Variants in PTPRD observed in about 807,000 individuals in gnomAD.
The protein encoded by PTPRD is receptor-type tyrosine-protein phosphatase delta.
A neutral mutation model predicts 214.5 loss-of-function variants in PTPRD; 34 were observed. That is an observed-to-expected ratio of 0.16 (90% confidence interval 0.12 to 0.21). PTPRD has a LOEUF of 0.21. PTPRD is among the 10% of genes least tolerant of loss of function. The probability of loss-of-function intolerance (pLI) is 1.00; values close to 1 mark genes in which losing one functional copy is unlikely to be tolerated. For missense variants in PTPRD, 2,545 were observed against 2,398.7 expected (o/e 1.06, Z -1.27); for synonymous variants, 1,128 against 845.7 (o/e 1.33, Z -5.79).
intron 7 of PTPRD, among the ~76,000 whole-genome samples, chr9:9,633,989 A>G (rs1380063823): frequency 6.6e-6 from 1 of 152,186 alleles, no homozygotes; most frequent in Non-Finnish European, 1.5e-5. Context: ...GTGGGAGAAA[A>G]ACATGTTATC....
chr9:10,031,856 G>A (rs2097086105), intron 4 of PTPRD, among the ~76,000 whole-genome samples: 1 of 151,734 alleles, frequency 6.6e-6, no homozygotes, highest in South Asian at 2.1e-4. Flanking sequence ...ACAAGAGATG[G>A]TGAATTGGCC....
At position 9,789,968 on chromosome 9, in the gene PTPRD, ATATTT is replaced by A. The variant is rs1284449098; in HGVS notation, c.-367-23122_-367-23118del. Among the ~76,000 whole-genome samples, 3 of 152,224 alleles carry A rather than the reference ATATTT, an allele frequency of 2.0e-5. No individual in the cohort carries two copies. The East Asian group carries it at 5.8e-4, about 29-fold the overall frequency. ...AAACAGAGGTTAATCATTTGAGCAA[ATATTT>A]TATTTATCTTTGTGAAACAACTAAA... On this transcript the variant is annotated intron_variant, in intron 5 of 45. Transcript: ENST00000381196.
chr9:10,090,774 C>T (rs779607483), intron 3 of PTPRD, among the ~76,000 whole-genome samples: 1 of 147,022 alleles, frequency 6.8e-6, no homozygotes, highest in Non-Finnish European at 1.5e-5. Context: ...TAGCATATTA[C>T]AATCAATGAC....
At chr9:8,956,967 C>T (rs1401338911) in intron 11 of PTPRD, among the ~76,000 whole-genome samples, 1 of 151,852 alleles carries the variant, frequency 6.6e-6, no homozygotes, top group African/African-American at 2.4e-5. Flanking sequence ...ACTCTTTTGA[C>T]ACCCACTTTC....
chr9:8,808,252 T>C (rs2096727019), intron 11 of PTPRD, among the ~76,000 whole-genome samples: 3 of 152,164 alleles, frequency 2.0e-5, no homozygotes, highest in Admixed American at 2.0e-4. Flanking sequence ...GGGAATGGTG[T>C]GAGAGGTGAA....
At chr9:9,720,564 G>C (rs2097917629) in intron 7 of PTPRD, among the ~76,000 whole-genome samples, 1 of 152,056 alleles carries the variant, frequency 6.6e-6, no homozygotes. Flanking sequence ...AGAAGTGATG[G>C]GAATAACCTG....
Position 10,573,168 on chromosome 9 carries a change from A to T in PTPRD, c.-600+39230T>A, listed in dbSNP as rs773287888. 3.9e-5 allele frequency among the ~76,000 whole-genome samples: 6 copies of T among 152,274 alleles called. No homozygotes were observed. The East Asian group carries it at 1.2e-3, about 29-fold the overall frequency. Reference sequence around the variant, plus strand: ...CCCACAAAAATAGAACAAGATTCTCAACTCCTGAATTTAGAAATATGTGCT... The same window carrying T: ...CCCACAAAAATAGAACAAGATTCTCTACTCCTGAATTTAGAAATATGTGCT... On this transcript the variant is annotated intron_variant, in intron 2 of 45. Coordinates refer to ENST00000381196, the MANE Select transcript of PTPRD (RefSeq NM_002839.4).
At chr9:9,600,994 T>G (rs1388391366) in intron 7 of PTPRD, among the ~76,000 whole-genome samples, 1 of 152,026 alleles carries the variant, frequency 6.6e-6, no homozygotes, top group South Asian at 2.1e-4. Flanking sequence ...ATATTTTATT[T>G]GAGAAATGGC....
chr9:8,364,506 A>C (rs934610422), intron 39 of PTPRD, among the ~76,000 whole-genome samples: 1 of 152,216 alleles, frequency 6.6e-6, no homozygotes, highest in Non-Finnish European at 1.5e-5. Context: ...AAGCATATCG[A>C]CACTAAAAAG....
chr9:9,136,755 C>T (rs1336465878), intron 10 of PTPRD, among the ~76,000 whole-genome samples: 1 of 152,102 alleles, frequency 6.6e-6, no homozygotes, highest in African/African-American at 2.4e-5. Flanking sequence ...ATCAAAACAT[C>T]AATCATTATG....
intron 11 of PTPRD, among the ~76,000 whole-genome samples, chr9:8,934,465 A>ATTTATATATAAATT (rs1491357158): frequency 1.3e-4 from 1 of 7,590 alleles, no homozygotes; most frequent in South Asian, 5.1e-3. Flanking sequence ...ATATATATAA[A>ATTTATATATAAATT]TATATATATA....
At chr9:9,434,547 A>G (rs1382009674) in intron 8 of PTPRD, among the ~76,000 whole-genome samples, 2 of 152,150 alleles carry the variant, frequency 1.3e-5, no homozygotes, top group African/African-American at 2.4e-5. Flanking sequence ...TGGAGCCACA[A>G]ATAATCCCAA....
chr9:9,884,793 G>C (rs956661483), intron 5 of PTPRD, among the ~76,000 whole-genome samples: 3 of 152,124 alleles, frequency 2.0e-5, no homozygotes, highest in South Asian at 2.1e-4. Context: ...TTCCCCACTT[G>C]CTTGGCACTT....
At chr9:8,398,221 G>A (rs976156026) in intron 36 of PTPRD, among the ~76,000 whole-genome samples, 10 of 152,138 alleles carry the variant, frequency 6.6e-5, no homozygotes, top group African/African-American at 2.4e-4. Context: ...ACTCTTCTAG[G>A]TGCTTTACAT....
At position 8,422,096 on chromosome 9, in the gene PTPRD, C is replaced by A. The variant is rs1195890279; in HGVS notation, c.4086+14496G>T. On this transcript the variant is annotated intron_variant, in intron 35 of 45. Coordinates refer to ENST00000381196, the MANE Select transcript of PTPRD (RefSeq NM_002839.4). Reference sequence around the variant, plus strand: ...GTGGAGGCAGAGGCTGCCGTGAACCCTGATGGTGCCACTGCACTTCAGCCT... The same window carrying A: ...GTGGAGGCAGAGGCTGCCGTGAACCATGATGGTGCCACTGCACTTCAGCCT... 3.7e-5 allele frequency among the ~76,000 whole-genome samples: 5 copies of A among 134,576 alleles called. No individual in the cohort carries two copies. The East Asian group carries it at 6.6e-4, about 18-fold the overall frequency. 88.3% of individuals were successfully genotyped at this position (134,576 alleles called of 152,430 possible).
chr9:9,695,852 G>A (rs1228366877), intron 7 of PTPRD, among the ~76,000 whole-genome samples: 1 of 152,128 alleles, frequency 6.6e-6, no homozygotes, highest in Non-Finnish European at 1.5e-5. Context: ...ATATTGACCT[G>A]TAGTTTTCTT....
chr9:8,893,815 T>C (rs971845159), intron 11 of PTPRD, among the ~76,000 whole-genome samples: 1 of 152,146 alleles, frequency 6.6e-6, no homozygotes, highest in African/African-American at 2.4e-5. Flanking sequence ...AACACATTTA[T>C]GACACAATGT....
intron 3 of PTPRD, among the ~76,000 whole-genome samples, chr9:10,250,912 T>G (rs942960292): frequency 1.3e-5 from 2 of 151,982 alleles, no homozygotes; most frequent in African/African-American, 4.8e-5. Context: ...GGCATCCACA[T>G]CTTTTCTAAA....
intron 7 of PTPRD, among the ~76,000 whole-genome samples, chr9:9,601,663 T>C (rs1320519006): frequency 2.0e-5 from 3 of 152,106 alleles, no homozygotes; most frequent in Non-Finnish European, 2.9e-5. Context: ...ATCATAAATA[T>C]GATCCTTGAT....
Sources: gnomAD v4.1 joint callset for allele counts (sites outside exome capture counted in the v4.1 genomes callset) on GRCh38, gnomAD v4.1.1 for gene constraint, MANE v1.5 for transcripts, NCBI Gene and HGNC (gene_info 2026-07-23, HGNC 2026-07-21) for gene names.